Variants in RBFOX1 observed in about 807,000 individuals in gnomAD.
RBFOX1 encodes RNA binding fox-1 homolog 1, also known as RNA binding protein fox-1 homolog 1.
In RBFOX1, 8 loss-of-function variants were observed where a neutral mutation model predicts 57.7. The observed-to-expected ratio is 0.14, with a 90% CI of 0.08 to 0.25. RBFOX1 has a LOEUF of 0.25. Ranked by LOEUF, RBFOX1 falls within the 10% of genes least tolerant of loss-of-function variation. The pLI is 1.00. For synonymous variants in RBFOX1, 326 were observed against 222.4 expected, an observed-to-expected ratio of 1.47 and a Z score of -4.15; for missense variants, 611 against 548.5, an observed-to-expected ratio of 1.11 and a Z score of -1.14.
intron 2 of RBFOX1, among the ~76,000 whole-genome samples, chr16:5,523,184 G>A (rs1419346354): frequency 6.6e-6 from 1 of 152,150 alleles, no homozygotes; most frequent in Admixed American, 6.5e-5. Context: ...TACTCGGGAG[G>A]CTGAGGCAGG....
At chr16:6,835,053 C>T (rs1055127397) in intron 3 of RBFOX1, among the ~76,000 whole-genome samples, 4 of 152,004 alleles carry the variant, frequency 2.6e-5, no homozygotes, top group Non-Finnish European at 4.4e-5. Context: ...ACACCATGCC[C>T]CGGCTAATTT....
At chr16:6,102,232 A>G (rs1194251473) in intron 1 of RBFOX1, among the ~76,000 whole-genome samples, 4 of 150,474 alleles carry the variant, frequency 2.7e-5, no homozygotes, top group African/African-American at 9.8e-5. Context: ...ACCTCTAGTG[A>G]CAAGCAATAT....
intron 4 of RBFOX1, among the ~76,000 whole-genome samples, chr16:7,195,952 C>G (rs899263022): frequency 1.3e-5 from 2 of 151,952 alleles, no homozygotes; most frequent in Non-Finnish European, 2.9e-5. Flanking sequence ...CTTTCATTCT[C>G]TACTGCCACA....
chr16:6,772,429 TG>T (rs200362382), intron 3 of RBFOX1, among the ~76,000 whole-genome samples: 2,345 of 151,764 alleles, frequency 0.015, 66 homozygotes, highest in African/African-American at 0.053. Flanking sequence ...CACGTGCGTG[TG>T]TGTGTGTGTG....
At position 6,492,117 on chromosome 16, in the gene RBFOX1, A is replaced by C. The variant is rs369940447; in HGVS notation, c.-63-162486A>C. On this transcript the variant is annotated intron_variant, in intron 2 of 15. Coordinates refer to ENST00000550418, the MANE Select transcript of RBFOX1 (RefSeq NM_018723.4). Reference sequence around the variant, plus strand: ...TAAACATAAATAGCAAGTATATGAAAGTGTGTGTGTGTGTGCGGGCGTGTG... The same window carrying C: ...TAAACATAAATAGCAAGTATATGAACGTGTGTGTGTGTGTGCGGGCGTGTG... Among the ~76,000 whole-genome samples the C allele has an allele frequency of 2.3e-3, 347 of 151,560 alleles. 3 individuals carry two copies. The highest frequency in any genetic ancestry group is 7.6e-3 in the African/African-American group (314 of 41,360).
intron 1 of RBFOX1, among the ~76,000 whole-genome samples, chr16:5,420,173 C>G (rs1161543301): frequency 1.3e-5 from 2 of 152,078 alleles, no homozygotes; most frequent in Non-Finnish European, 2.9e-5. Flanking sequence ...GAGTCATACC[C>G]AAAATAATGC....
At chr16:6,918,719 C>T (rs768671634) in intron 3 of RBFOX1, among the ~76,000 whole-genome samples, 12 of 152,070 alleles carry the variant, frequency 7.9e-5, no homozygotes, top group Non-Finnish European at 1.2e-4. Flanking sequence ...CTCTGCCTTC[C>T]GAATGCAGAC....
At chr16:6,488,192 G>C (rs994281378) in intron 2 of RBFOX1, among the ~76,000 whole-genome samples, 14 of 152,160 alleles carry the variant, frequency 9.2e-5, no homozygotes, top group Non-Finnish European at 1.8e-4. Context: ...TGGTAATTCT[G>C]CATCTGCATT....
intron 5 of RBFOX1, among the ~76,000 whole-genome samples, chr16:7,521,870 C>G (rs1157617758): frequency 6.6e-6 from 1 of 152,166 alleles, no homozygotes; most frequent in Non-Finnish European, 1.5e-5. Context: ...TGGAACGTGT[C>G]CATCAGCTTC....
intron 3 of RBFOX1, among the ~76,000 whole-genome samples, chr16:7,047,577 C>G (rs1302679876): frequency 6.7e-6 from 1 of 148,764 alleles, no homozygotes; most frequent in South Asian, 2.1e-4. Context: ...TTGTTTATAT[C>G]TTTTGTCAAA....
intron 3 of RBFOX1, among the ~76,000 whole-genome samples, chr16:6,893,853 G>T (rs548260506): frequency 1.3e-5 from 2 of 152,274 alleles, no homozygotes; most frequent in South Asian, 4.2e-4. Context: ...CCAATGGAAT[G>T]AATTGTATGG....
At chr16:6,534,477 G>A (rs1022070812) in intron 2 of RBFOX1, among the ~76,000 whole-genome samples, 3 of 152,046 alleles carry the variant, frequency 2.0e-5, no homozygotes, top group South Asian at 2.1e-4. Context: ...TTTACCTCTA[G>A]GCTGTCCACA....
At chr16:7,511,804 T>C (rs2075165707) in intron 4 of RBFOX1, among the ~76,000 whole-genome samples, 1 of 152,298 alleles carries the variant, frequency 6.6e-6, no homozygotes, top group South Asian at 2.1e-4. Flanking sequence ...AAGTTTCTTC[T>C]CTGTTTATCC....
chr16:5,965,090 C>A (rs534518307), intron 4 of RBFOX1, among the ~76,000 whole-genome samples: 1 of 151,920 alleles, frequency 6.6e-6, no homozygotes, highest in Non-Finnish European at 1.5e-5. Context: ...AAATGTCGAA[C>A]CCATAGAAAC....
chr16:6,906,891 T>A (rs1385310445), intron 3 of RBFOX1, among the ~76,000 whole-genome samples: 1 of 151,962 alleles, frequency 6.6e-6, no homozygotes, highest in Non-Finnish European at 1.5e-5. Flanking sequence ...CCTGGTTAAT[T>A]TTTTGTATTT....
intron 3 of RBFOX1, among the ~76,000 whole-genome samples, chr16:6,863,376 A>T (rs2059346943): frequency 6.6e-6 from 1 of 152,114 alleles, no homozygotes; most frequent in South Asian, 2.1e-4. Context: ...ATCTTCAAGA[A>T]TGTATGGCTA....
chr16:6,584,551 C>G (rs1029735767), intron 2 of RBFOX1, among the ~76,000 whole-genome samples: 5 of 151,728 alleles, frequency 3.3e-5, no homozygotes, highest in African/African-American at 9.7e-5. Context: ...GTAATATTAG[C>G]AGAGATAGGG....
At chr16:7,113,490 G>C (rs1419025434) in intron 4 of RBFOX1, among the ~76,000 whole-genome samples, 1 of 152,114 alleles carries the variant, frequency 6.6e-6, no homozygotes, top group African/African-American at 2.4e-5. Context: ...GTATTTGGTT[G>C]AATCAGATTC....
At chr16:6,843,510 A>G (rs1567518554) in intron 3 of RBFOX1, among the ~76,000 whole-genome samples, 1 of 152,042 alleles carries the variant, frequency 6.6e-6, no homozygotes, top group Non-Finnish European at 1.5e-5. Flanking sequence ...AACACTGTGA[A>G]ACCCCGTCTG....
Sources: allele counts gnomAD v4.1 joint callset (sites outside exome capture counted in the v4.1 genomes callset), GRCh38; gene constraint gnomAD v4.1.1; transcripts MANE v1.5; gene names NCBI Gene and HGNC (gene_info 2026-07-23, HGNC 2026-07-21).